Variants in KIT observed in about 807,000 individuals in gnomAD.
The protein encoded by KIT is mast/stem cell growth factor receptor Kit.
KIT carries 16 observed loss-of-function variants against 105.7 expected under a neutral mutation model. The ratio of observed to expected loss-of-function variants is 0.15; its 90% confidence interval spans 0.10 to 0.23. The LOEUF (loss-of-function observed/expected upper bound fraction) is 0.23. Ranked by LOEUF, KIT falls within the 10% of genes least tolerant of loss-of-function variation. The pLI, the probability that KIT is intolerant of heterozygous loss-of-function variation, is 1.00. For synonymous variants in KIT, 438 were observed against 441.1 expected (o/e 0.99, Z 0.09); for missense variants, 858 against 1,213.8 (o/e 0.71, Z 4.36).
intron 7 of KIT, among the ~76,000 whole-genome samples, chr4:54,709,833 A>G (rs994868814): frequency 6.6e-6 from 1 of 152,208 alleles, no homozygotes; most frequent in Non-Finnish European, 1.5e-5. Context: ...GGGAAAATGT[A>G]TTATTATTGA....
In KIT at chr4:54,695,621, T is replaced by A; in HGVS notation, c.177T>A (p.Thr59=). The A allele has an allele frequency of 1.2e-6, 2 of 1,614,260 alleles. No homozygotes were observed. The highest frequency in any genetic ancestry group is 1.7e-6 in the Non-Finnish European group (2 of 1,180,040). ...RVGDEIRLLC[T]DPGFVKWTFE... The stretch of plus-strand genomic sequence containing the variant: ...GCGACGAGATTAGGCTGTTATGCAC[T>A]GATCCGGGCTTTGTCAAATGGACTT... The change falls in exon 2 of 21, where the codon ACT becomes ACA. Residue 59 remains threonine, a synonymous_variant. Coordinates refer to ENST00000288135, the MANE Select transcript of KIT (RefSeq NM_000222.3).
At chr4:54,692,347 G>A (rs1379778127) in intron 1 of KIT, among the ~76,000 whole-genome samples, 1 of 152,178 alleles carries the variant, frequency 6.6e-6, no homozygotes, top group Non-Finnish European at 1.5e-5. Context: ...AAAACTCTAT[G>A]AGATGAGGGT....
At chr4:54,661,382 T>C (rs1717256620) in intron 1 of KIT, among the ~76,000 whole-genome samples, 1 of 152,214 alleles carries the variant, frequency 6.6e-6, no homozygotes, top group African/African-American at 2.4e-5. Flanking sequence ...GCTGCTGTTG[T>C]TGACAGCCCT....
chr4:54,669,180 G>A (rs544631893), intron 1 of KIT, among the ~76,000 whole-genome samples: 7 of 151,564 alleles, frequency 4.6e-5, no homozygotes, highest in African/African-American at 1.2e-4. Context: ...GTTTTTAGCC[G>A]CACCAAAAAG....
chr4:54,680,862 G>A (rs1379478148), intron 1 of KIT, among the ~76,000 whole-genome samples: 1 of 152,146 alleles, frequency 6.6e-6, no homozygotes, highest in Non-Finnish European at 1.5e-5. Flanking sequence ...TAACATGAAG[G>A]CAGTTTGCAC....
intron 9 of KIT, 114 bp from the exon 10 acceptor site, chr4:54,727,104 T>C: frequency 2.4e-6 from 2 of 844,998 alleles, no homozygotes; most frequent in African/African-American, 1.7e-5. Context: ...CACATAGCTT[T>C]GCATCCTGCC....
In KIT at chr4:54,727,283, A is replaced by C. The variant is rs1447737703; in HGVS notation, c.1606A>C (p.Met536Leu). ...TGGTTTCGTAATCGTAGCTGGCATG[A>C]TGTGCATTATTGTGATGATTCTGAC... ...LIGFVIVAGM[M>L]CIIVMILTYK... The change falls in exon 10 of 21, where the codon ATG becomes CTG. Residue 536 changes from methionine (M) to leucine (L), a missense_variant. Coordinates refer to ENST00000288135, the MANE Select transcript of KIT (RefSeq NM_000222.3). The C allele has an allele frequency of 1.9e-6, 3 of 1,614,156 alleles. No homozygotes were observed.
At chr4:54,691,588 A>G (rs1485279794) in intron 1 of KIT, among the ~76,000 whole-genome samples, 1 of 152,178 alleles carries the variant, frequency 6.6e-6, no homozygotes, top group Non-Finnish European at 1.5e-5. Context: ...GAAAACAGCT[A>G]GAAGTTAACC....
rs183728876 is a variant in KIT at position 54,717,576 on chromosome 4, G to T, written c.1232-6008G>T. Among the ~76,000 whole-genome samples the T allele has an allele frequency of 1.2e-4, 18 of 152,322 alleles. No individual in the cohort carries two copies. In the East Asian group the frequency reaches 3.3e-3, roughly 28 times the overall value. On this transcript the variant is annotated intron_variant, in intron 7 of 20. Coordinates refer to ENST00000288135, the MANE Select transcript of KIT (RefSeq NM_000222.3). Reference sequence around the variant, plus strand: ...GGGTACATAGACTTCGCTAAAAGCAGTGAGTGGTCCCTTTTATATTGTGGA... The same window carrying T: ...GGGTACATAGACTTCGCTAAAAGCATTGAGTGGTCCCTTTTATATTGTGGA...
At chr4:54,707,309 G>A (rs1436498607) in intron 6 of KIT, 22 bp downstream of exon 6, 1 of 1,540,048 alleles carries the variant, frequency 6.5e-7, no homozygotes, top group East Asian at 2.2e-5. Flanking sequence ...ACCTTGCCCT[G>A]GGGGATTACA....
intron 1 of KIT, among the ~76,000 whole-genome samples, chr4:54,680,950 A>G (rs1577931980): frequency 6.6e-6 from 1 of 151,946 alleles, no homozygotes; most frequent in Non-Finnish European, 1.5e-5. Context: ...AGCCAGGAGG[A>G]TCTGCTCGGA....
intron 1 of KIT, among the ~76,000 whole-genome samples, chr4:54,675,265 A>G (rs1384712437): frequency 1.3e-5 from 2 of 152,220 alleles, no homozygotes; most frequent in African/African-American, 4.8e-5. Context: ...AGATTTCTCA[A>G]TAGACATACT....
Position 54,727,947 on chromosome 4 carries a change from T to C in KIT, c.1879+20T>C, listed in dbSNP as rs1722345480. The C allele has an allele frequency of 6.2e-7, 1 of 1,611,368 alleles. No individual in the cohort carries two copies. ...TCAAGCGTAAGTTCCTGTATGGTAC[T>C]GCATGCGCTTGACATCAGTTTGCCA... On this transcript the variant is annotated intron_variant, in intron 12 of 20. Coordinates refer to ENST00000288135, the MANE Select transcript of KIT (RefSeq NM_000222.3).
chr4:54,718,864 T>C (rs891992465), intron 7 of KIT, among the ~76,000 whole-genome samples: 1 of 152,216 alleles, frequency 6.6e-6, no homozygotes, highest in Non-Finnish European at 1.5e-5. Flanking sequence ...GTCCAAAATA[T>C]CTATCCTGGG....
chr4:54,689,960 ATCACACAATATGCCTTTC>A (rs1178729415), intron 1 of KIT, among the ~76,000 whole-genome samples: 1 of 151,952 alleles, frequency 6.6e-6, no homozygotes, highest in Non-Finnish European at 1.5e-5. Context: ...TATAACTGGT[ATCACACAATATGCCTTTC>A]TGTCTGGCAC....
At position 54,731,912 on chromosome 4, in the gene KIT, G is replaced by A. The variant is rs754826149; in HGVS notation, c.2275G>A (p.Asp759Asn). 1.9e-6 allele frequency: 3 copies of A among 1,613,726 alleles called. No homozygotes were observed. Among genetic ancestry groups the A allele is most frequent in the Non-Finnish European group, 2.5e-6 (3 of 1,179,704 alleles). The change falls in exon 16 of 21, where the codon GAT becomes AAT. Residue 759 changes from aspartate (D) to asparagine (N), a missense_variant. Asp to Asn is a conservative substitution (Grantham distance 23, BLOSUM62 1). Around this residue, in one of 7 missense-constraint regions of KIT, gnomAD observed 158 missense variants for 218.7 expected, o/e 0.72. Transcript: ENST00000288135. ...AGATGTGACTCCCGCCATCATGGAGGATGACGAGTTGGCCCTAGACTTAGA... is the reference window on the plus strand; with the variant it reads ...AGATGTGACTCCCGCCATCATGGAGAATGACGAGTTGGCCCTAGACTTAGA... ...ERDVTPAIME[D>N]DELALDLEDL...
chr4:54,724,269 C>T (rs966059334), intron 8 of KIT, among the ~76,000 whole-genome samples: 8 of 152,110 alleles, frequency 5.3e-5, no homozygotes, highest in Admixed American at 2.0e-4. Context: ...TACCTGAAGA[C>T]GAAAATGGGG....
At chr4:54,719,800 G>A (rs1410901028) in intron 7 of KIT, among the ~76,000 whole-genome samples, 3 of 152,168 alleles carry the variant, frequency 2.0e-5, no homozygotes, top group Admixed American at 2.0e-4. Context: ...ATAAAATGCA[G>A]ATGAGCCCAG....
In KIT at chr4:54,669,024, A is replaced by AT. The variant is rs369427207; in HGVS notation, c.67+10949dup. Among the ~76,000 whole-genome samples, 1,037 of 152,302 alleles carry AT rather than the reference A, an allele frequency of 6.8e-3. 13 individuals carry two copies. Among genetic ancestry groups the AT allele is most frequent in the African/African-American group, 0.024 (986 of 41,552 alleles). The stretch of plus-strand genomic sequence containing the variant: ...AACACCACAAGGACTGGTTTTTAGA[A>AT]TTTTTTGTCATTGTTAAATCAAGCC... On this transcript the variant is annotated intron_variant, in intron 1 of 20. Coordinates refer to ENST00000288135, the MANE Select transcript of KIT (RefSeq NM_000222.3).
Sources: gnomAD v4.1 joint callset for allele counts (sites outside exome capture counted in the v4.1 genomes callset) on GRCh38, gnomAD v4.1.1 for gene constraint, gnomAD v4.1.1 regional missense constraint, MANE v1.5 for transcripts, NCBI Gene and HGNC (gene_info 2026-07-23, HGNC 2026-07-21) for gene names.